BMP3: variants seen among roughly 807,000 people sequenced by gnomAD.
BMP3 encodes the protein bone morphogenetic protein 3.
In BMP3, 23 loss-of-function variants were observed where a neutral mutation model predicts 38.1. The observed-to-expected ratio is 0.60, with a 90% CI of 0.43 to 0.86. The LOEUF is 0.86. Ranked by LOEUF, BMP3 falls within the 40% of genes least tolerant of loss-of-function variation. The probability of loss-of-function intolerance (pLI) is 0.00; values close to 1 mark genes in which losing one functional copy is unlikely to be tolerated. For synonymous variants in BMP3, 258 were observed against 225.7 expected, an observed-to-expected ratio of 1.14 and a Z score of -1.28; for missense variants, 628 against 579.6, an observed-to-expected ratio of 1.08 and a Z score of -0.86.
chr4:81,034,417 G>C (rs1363527110), intron 1 of BMP3, among the ~76,000 whole-genome samples: 2 of 152,146 alleles, frequency 1.3e-5, no homozygotes, highest in Non-Finnish European at 2.9e-5. Flanking sequence ...TTTGGTTTAA[G>C]TTGTCTCTGG....
At position 81,053,604 on chromosome 4, in the gene BMP3, T is replaced by TG; in HGVS notation, c.*68_*69insG. The TG allele has an allele frequency of 3.5e-6, 2 of 575,328 alleles. No individual in the cohort carries two copies. Among genetic ancestry groups the TG allele is most frequent in the Non-Finnish European group, 5.0e-6 (2 of 402,222 alleles). 35.6% of individuals were successfully genotyped at this position (575,328 alleles called of 1,614,324 possible). ...TTATTTTTATGGACTTCTTCCTGTT[T>TG]TTTTTTTTTTTTTTTTTGCACTGCC... On this transcript the variant is annotated 3_prime_UTR_variant, in exon 3 of 3. Transcript: ENST00000282701.
At chr4:81,047,999 G>A (rs1740304902) in intron 2 of BMP3, among the ~76,000 whole-genome samples, 1 of 149,384 alleles carries the variant, frequency 6.7e-6, no homozygotes, top group Non-Finnish European at 1.5e-5. Flanking sequence ...GGCTGGGTTA[G>A]CCTTTTCAGG....
rs1459356608 is a variant in BMP3 at position 81,055,387 on chromosome 4, T to A, written c.*1851T>A. On this transcript the variant is annotated 3_prime_UTR_variant, in exon 3 of 3. Transcript: ENST00000282701. Reference sequence around the variant, plus strand: ...TAATTCTGTGAGTGAGACACACCAGTTCTAAAAAAAATGAGTGAAGTTCTG... The same window carrying A: ...TAATTCTGTGAGTGAGACACACCAGATCTAAAAAAAATGAGTGAAGTTCTG... 6.6e-6 allele frequency: 1 copy of A among 152,150 alleles called. No homozygotes were observed. The highest frequency in any genetic ancestry group is 2.4e-5 in the African/African-American group (1 of 41,442). 9.4% of individuals were successfully genotyped at this position (152,150 alleles called of 1,614,324 possible). A position where few individuals can be genotyped will look rare whatever the true frequency, so the allele number is the denominator to read the frequency against.
chr4:81,043,780 G>C (rs538068248), intron 1 of BMP3, among the ~76,000 whole-genome samples: 1 of 151,834 alleles, frequency 6.6e-6, no homozygotes, highest in Non-Finnish European at 1.5e-5. Flanking sequence ...GTAGAGACAG[G>C]GTTTCACTAT....
At chr4:81,047,426 C>A (rs1056072609) in intron 2 of BMP3, among the ~76,000 whole-genome samples, 1 of 152,072 alleles carries the variant, frequency 6.6e-6, no homozygotes, top group African/African-American at 2.4e-5. Flanking sequence ...TGACTGTTCT[C>A]TTTGAATTTA....
intron 1 of BMP3, among the ~76,000 whole-genome samples, chr4:81,031,816 G>A (rs1739779011): frequency 1.3e-5 from 2 of 152,152 alleles, no homozygotes; most frequent in South Asian, 2.1e-4. Flanking sequence ...AAAGTGAGAG[G>A]GGGAAATAGA....
intron 2 of BMP3, among the ~76,000 whole-genome samples, 190 bp from the exon 3 acceptor site, chr4:81,053,155 G>A (rs1259100677): frequency 2.0e-5 from 3 of 152,130 alleles, no homozygotes; most frequent in African/African-American, 4.8e-5. Flanking sequence ...GAATGCAGCA[G>A]GCACTTAATA....
chr4:81,031,520 TGGA>T lies in BMP3; in HGVS notation c.239_241del (p.Glu80del). Reference sequence around the variant, plus strand: ...CAGGCGGCCCGGACACCGGGCTCCCTGGAGGGAGGCTCGCAGCCCTGGCGCCCT... The same window carrying T: ...CAGGCGGCCCGGACACCGGGCTCCCTGGGAGGCTCGCAGCCCTGGCGCCCT... On this transcript the variant is annotated inframe_deletion, in exon 1 of 3. Coordinates refer to ENST00000282701, the MANE Select transcript of BMP3 (RefSeq NM_001201.5). The T allele has an allele frequency of 6.2e-7, 1 of 1,612,514 alleles. No homozygotes were observed. Among genetic ancestry groups the T allele is most frequent in the South Asian group, 1.1e-5 (1 of 90,736 alleles).
intron 1 of BMP3, among the ~76,000 whole-genome samples, chr4:81,038,212 A>G (rs564338436): frequency 9.2e-5 from 14 of 152,250 alleles, no homozygotes; most frequent in African/African-American, 2.6e-4. Flanking sequence ...TACTGCCTTT[A>G]TGATGGTTTT....
At chr4:81,052,002 CT>C (rs796392056) in intron 2 of BMP3, among the ~76,000 whole-genome samples, 80 of 144,622 alleles carry the variant, frequency 5.5e-4, no homozygotes, top group East Asian at 1.2e-3. Flanking sequence ...TCCTTTTTTT[CT>C]TTTTTTTTTT....
intron 2 of BMP3, among the ~76,000 whole-genome samples, chr4:81,051,747 C>T (rs931871921): frequency 2.0e-5 from 3 of 152,136 alleles, no homozygotes; most frequent in Non-Finnish European, 2.9e-5. Flanking sequence ...CATGGACTTC[C>T]TCTCCTCAAG....
At chr4:81,043,590 A>ATTT (rs3038534) in intron 1 of BMP3, among the ~76,000 whole-genome samples, 1,342 of 130,742 alleles carry the variant, frequency 0.01, 59 homozygotes, top group Admixed American at 0.028. Flanking sequence ...GCATACTACA[A>ATTT]TTTTTTTTTT....
intron 1 of BMP3, among the ~76,000 whole-genome samples, chr4:81,044,546 G>A (rs920164588): frequency 4.6e-5 from 7 of 152,130 alleles, no homozygotes; most frequent in Non-Finnish European, 1.0e-4. Context: ...TCACAATGTT[G>A]TGCTATCACC....
At position 81,030,984 on chromosome 4, in the gene BMP3, G is replaced by A. The variant is rs866936784; in HGVS notation, c.-301G>A. The A allele has an allele frequency of 2.5e-6, 1 of 400,494 alleles. No homozygotes were observed. 24.8% of individuals were successfully genotyped at this position (400,494 alleles called of 1,614,324 possible). A position where few individuals can be genotyped will look rare whatever the true frequency, so the allele number is the denominator to read the frequency against. On this transcript the variant is annotated 5_prime_UTR_variant, in exon 1 of 3. Coordinates refer to ENST00000282701, the MANE Select transcript of BMP3 (RefSeq NM_001201.5). The stretch of plus-strand genomic sequence containing the variant: ...ACAGACAGATCTTGAAAACACCCGG[G>A]CCACACACGCCGCGACCTACAGCTC...
intron 1 of BMP3, among the ~76,000 whole-genome samples, chr4:81,033,753 C>G (rs952286313): frequency 5.9e-5 from 9 of 152,272 alleles, no homozygotes; most frequent in African/African-American, 2.2e-4. Flanking sequence ...TCATGTGTGT[C>G]CCTCTCTCGT....
At chr4:81,032,194 CAAAAA>C (rs5859748) in intron 1 of BMP3, among the ~76,000 whole-genome samples, 80 of 74,036 alleles carry the variant, frequency 1.1e-3, no homozygotes, top group African/African-American at 2.5e-3. Flanking sequence ...TCCTTAGTGG[CAAAAA>C]AAAAAAAAAA....
Position 81,031,033 on chromosome 4 carries a change from G to C in BMP3, c.-252G>C. ...TCTTTCTCAGCGTTGGAGTGGAGACGGCGCCCGCAGCGCCCTGCGCGGGTG... is the reference window on the plus strand; with the variant it reads ...TCTTTCTCAGCGTTGGAGTGGAGACCGCGCCCGCAGCGCCCTGCGCGGGTG... On this transcript the variant is annotated 5_prime_UTR_variant, in exon 1 of 3. Coordinates refer to ENST00000282701, the MANE Select transcript of BMP3 (RefSeq NM_001201.5). The C allele has an allele frequency of 4.0e-6, 2 of 500,610 alleles. No homozygotes were observed. The highest frequency in any genetic ancestry group is 3.6e-5 in the East Asian group (1 of 27,940). 31.0% of individuals were successfully genotyped at this position (500,610 alleles called of 1,614,324 possible).
At position 81,053,453 on chromosome 4, in the gene BMP3, A is replaced by G; in HGVS notation, c.1336A>G (p.Ser446Gly). 1 of 1,610,886 alleles carries G rather than the reference A, an allele frequency of 6.2e-7. No individual in the cohort carries two copies. The highest frequency in any genetic ancestry group is 8.5e-7 in the Non-Finnish European group (1 of 1,178,414). Residue 446 changes from serine to glycine, a missense_variant, in exon 3 of 3, where the codon AGT becomes GGT. By Grantham distance (56) the Ser-to-Gly change is moderately conservative. Coordinates refer to ENST00000282701, the MANE Select transcript of BMP3 (RefSeq NM_001201.5). Reference sequence around the variant, plus strand: ...TGTACCAGAAAAGATGTCCTCACTCAGTATTTTATTCTTTGATGAAAATAA... The same window carrying G: ...TGTACCAGAAAAGATGTCCTCACTCGGTATTTTATTCTTTGATGAAAATAA... ...CCVPEKMSSLSILFFDENKNV... is the reference protein window; with the variant it reads ...CCVPEKMSSLGILFFDENKNV...
In BMP3 at chr4:81,031,216, C is replaced by G. The variant is rs907691757; in HGVS notation, c.-69C>G. 2.4e-5 allele frequency: 35 copies of G among 1,447,288 alleles called. No individual in the cohort carries two copies. Among genetic ancestry groups the G allele is most frequent in the Admixed American group, 7.8e-5 (3 of 38,228 alleles). The allele number at this position is 1,447,288 out of a possible 1,614,324, so 89.7% of individuals were successfully genotyped here. The stretch of plus-strand genomic sequence containing the variant: ...GGAGTTCAACCCTCGGCTCCGCCGC[C>G]GGCTCCTTGCGCCTTCGGAGTGTCC... On this transcript the variant is annotated 5_prime_UTR_variant, in exon 1 of 3. Coordinates refer to ENST00000282701, the MANE Select transcript of BMP3 (RefSeq NM_001201.5).
Sources: allele counts gnomAD v4.1 joint callset (sites outside exome capture counted in the v4.1 genomes callset), GRCh38; gene constraint gnomAD v4.1.1; transcripts MANE v1.5; gene names NCBI Gene and HGNC (gene_info 2026-07-23, HGNC 2026-07-21).